Variants in KCNQ3 observed in about 807,000 individuals in gnomAD.
The protein encoded by KCNQ3 is potassium voltage-gated channel subfamily KQT member 3.
Under a neutral mutation model 92.5 loss-of-function variants are expected in KCNQ3, and 30 were observed. The observed-to-expected ratio is 0.32, with a 90% CI of 0.24 to 0.44. The LOEUF (loss-of-function observed/expected upper bound fraction) is 0.44. Among genes scored for constraint, KCNQ3 ranks in the 20% least tolerant of loss-of-function variants. The pLI is 1.00. For missense variants in KCNQ3, 913 were observed against 1,140.3 expected (o/e 0.80, Z 2.87); for synonymous variants, 450 against 468.8 (o/e 0.96, Z 0.52).
chr8:132,350,433 C>T (rs553472959), intron 1 of KCNQ3, among the ~76,000 whole-genome samples: 7 of 152,070 alleles, frequency 4.6e-5, no homozygotes, highest in African/African-American at 1.4e-4. Flanking sequence ...GGTAAGATCC[C>T]GAAGTCCACC....
intron 1 of KCNQ3, among the ~76,000 whole-genome samples, chr8:132,209,500 AT>A (rs1343563378): frequency 6.6e-6 from 1 of 151,304 alleles, no homozygotes; most frequent in Admixed American, 6.6e-5. Flanking sequence ...TCATTAAGCC[AT>A]TTTTTTGTAT....
At chr8:132,382,239 T>C (rs1245814934) in intron 1 of KCNQ3, among the ~76,000 whole-genome samples, 1 of 152,238 alleles carries the variant, frequency 6.6e-6, no homozygotes. Context: ...AAGTGGGGTC[T>C]GGTAGAAAGT....
chr8:132,445,439 AT>A (rs927037308), intron 1 of KCNQ3, among the ~76,000 whole-genome samples: 5 of 151,626 alleles, frequency 3.3e-5, no homozygotes, highest in Non-Finnish European at 5.9e-5. Context: ...GCTTGCATTT[AT>A]TTCCCCCATG....
intron 1 of KCNQ3, among the ~76,000 whole-genome samples, chr8:132,310,566 G>A (rs1817566282): frequency 6.6e-6 from 1 of 152,206 alleles, no homozygotes; most frequent in South Asian, 2.1e-4. Flanking sequence ...CTGAGATGAT[G>A]CTGCCCTCCC....
At chr8:132,366,929 T>C (rs1360685765) in intron 1 of KCNQ3, among the ~76,000 whole-genome samples, 2 of 152,200 alleles carry the variant, frequency 1.3e-5, no homozygotes, top group African/African-American at 2.4e-5. Context: ...GACCTCTTCA[T>C]TGAGTTTTGG....
intron 1 of KCNQ3, among the ~76,000 whole-genome samples, chr8:132,433,076 G>T (rs1340017175): frequency 6.6e-6 from 1 of 152,140 alleles, no homozygotes; most frequent in Non-Finnish European, 1.5e-5. Flanking sequence ...AAGAAATTGG[G>T]GTCAAAGAAT....
chr8:132,381,500 G>T (rs899269004), intron 1 of KCNQ3, among the ~76,000 whole-genome samples: 1 of 152,144 alleles, frequency 6.6e-6, no homozygotes. Flanking sequence ...GGCTTCTGTA[G>T]GGAATTCTAG....
intron 11 of KCNQ3, among the ~76,000 whole-genome samples, chr8:132,138,246 A>G (rs979565839): frequency 6.6e-6 from 1 of 152,246 alleles, no homozygotes; most frequent in African/African-American, 2.4e-5. Context: ...AAATCATAGT[A>G]TTAATAAGAG....
chr8:132,396,611 G>T (rs543952783), intron 1 of KCNQ3, among the ~76,000 whole-genome samples: 1 of 152,086 alleles, frequency 6.6e-6, no homozygotes, highest in Non-Finnish European at 1.5e-5. Flanking sequence ...CAGTTGTAGC[G>T]GGTAAGATTA....
At chr8:132,311,317 T>C (rs1392364565) in intron 1 of KCNQ3, among the ~76,000 whole-genome samples, 1 of 152,194 alleles carries the variant, frequency 6.6e-6, no homozygotes, top group East Asian at 1.9e-4. Flanking sequence ...TCATTTGCTT[T>C]GGTAGGGCAT....
chr8:132,162,919 G>C (rs964687683), intron 9 of KCNQ3, among the ~76,000 whole-genome samples: 1 of 152,132 alleles, frequency 6.6e-6, no homozygotes, highest in Non-Finnish European at 1.5e-5. Context: ...AATAATAATC[G>C]TTTAAAAATG....
At chr8:132,473,261 A>C (rs1822333385) in intron 1 of KCNQ3, among the ~76,000 whole-genome samples, 1 of 145,404 alleles carries the variant, frequency 6.9e-6, no homozygotes, top group Non-Finnish European at 1.5e-5. Context: ...GAAAAGGAGA[A>C]TGAGCTAAAT....
intron 1 of KCNQ3, chr8:132,321,365 A>T (rs1817888034): frequency 6.6e-6 from 1 of 152,420 alleles, no homozygotes; most frequent in African/African-American, 2.4e-5. Flanking sequence ...AGGCCATGAC[A>T]CAACCATATT....
rs78745557 is a variant in KCNQ3, at chr8:132,411,810, T to C, written c.386+68337A>G. ...TCATTCTCTAAGCACAAGGACAAGCTGTGGGCTGCCGAGGTTTCTTTGACC... is the reference window on the plus strand; with the variant it reads ...TCATTCTCTAAGCACAAGGACAAGCCGTGGGCTGCCGAGGTTTCTTTGACC... On this transcript the variant is annotated intron_variant, in intron 1 of 14. Transcript: ENST00000388996. 1.2e-4 allele frequency among the ~76,000 whole-genome samples: 19 copies of C among 152,290 alleles called. No homozygotes were observed. In the East Asian group the frequency reaches 3.5e-3, roughly 28 times the overall value.
chr8:132,458,396 C>T (rs1821990336), intron 1 of KCNQ3, among the ~76,000 whole-genome samples: 1 of 152,234 alleles, frequency 6.6e-6, no homozygotes, highest in African/African-American at 2.4e-5. Context: ...ATGTGTCATG[C>T]CTACATGCAC....
intron 1 of KCNQ3, among the ~76,000 whole-genome samples, chr8:132,330,660 A>G (rs1425396942): frequency 6.6e-6 from 1 of 152,210 alleles, no homozygotes; most frequent in Non-Finnish European, 1.5e-5. Flanking sequence ...AAGGCAAAAC[A>G]TTAGGAGCTG....
At chr8:132,415,070 T>C (rs1820760006) in intron 1 of KCNQ3, among the ~76,000 whole-genome samples, 1 of 152,162 alleles carries the variant, frequency 6.6e-6, no homozygotes, top group African/African-American at 2.4e-5. Flanking sequence ...GCAAGGGCAA[T>C]TAAAGGCCAT....
chr8:132,238,837 T>C (rs1220724525), intron 1 of KCNQ3, among the ~76,000 whole-genome samples: 3 of 152,142 alleles, frequency 2.0e-5, no homozygotes, highest in Non-Finnish European at 4.4e-5. Flanking sequence ...CATGAAGTCA[T>C]ATGGTCCTAA....
intron 1 of KCNQ3, among the ~76,000 whole-genome samples, chr8:132,470,230 C>T (rs1822267497): frequency 6.6e-6 from 1 of 152,174 alleles, no homozygotes; most frequent in Admixed American, 6.5e-5. Context: ...GTCGGAATCA[C>T]CTAAGGGCAA....
Sources: allele counts gnomAD v4.1 joint callset (sites outside exome capture counted in the v4.1 genomes callset), GRCh38; gene constraint gnomAD v4.1.1; transcripts MANE v1.5; gene names NCBI Gene and HGNC (gene_info 2026-07-23, HGNC 2026-07-21).